The following ZNF385D variants were observed in gnomAD, a reference collection of about 807,000 sequenced individuals.
The protein encoded by ZNF385D is zinc finger protein 385D, also known as zinc finger protein 659.
Under a neutral mutation model 35.8 loss-of-function variants are expected in ZNF385D, and 15 were observed. That is an observed-to-expected ratio of 0.42 (90% confidence interval 0.28 to 0.64). The LOEUF (loss-of-function observed/expected upper bound fraction) is 0.64. Among genes scored for constraint, ZNF385D ranks in the 30% least tolerant of loss-of-function variants. The probability of loss-of-function intolerance (pLI) is 0.23; values close to 1 mark genes in which losing one functional copy is unlikely to be tolerated. For synonymous variants in ZNF385D, 212 were observed against 186.8 expected, an observed-to-expected ratio of 1.13 and a Z score of -1.10; for missense variants, 474 against 494.6, an observed-to-expected ratio of 0.96 and a Z score of 0.39.
chr3:22,279,169 T>G (rs1701588118), intron 2 of ZNF385D, among the ~76,000 whole-genome samples: 1 of 152,058 alleles, frequency 6.6e-6, no homozygotes, highest in Non-Finnish European at 1.5e-5. Context: ...ATGAATAAGT[T>G]ATTTAGTGGC....
intron 3 of ZNF385D, among the ~76,000 whole-genome samples, chr3:21,828,433 G>C (rs1202467205): frequency 6.6e-6 from 1 of 152,130 alleles, no homozygotes; most frequent in South Asian, 2.1e-4. Context: ...ATAAACAAAA[G>C]AAATGGGGGG....
At chr3:21,954,008 G>C (rs1702176881) in intron 3 of ZNF385D, among the ~76,000 whole-genome samples, 1 of 151,928 alleles carries the variant, frequency 6.6e-6, no homozygotes, top group African/African-American at 2.4e-5. Flanking sequence ...GAAAAACAAG[G>C]AAAAGATACT....
chr3:21,607,437 A>G (rs1183942027), intron 2 of ZNF385D, among the ~76,000 whole-genome samples: 2 of 152,202 alleles, frequency 1.3e-5, no homozygotes, highest in Admixed American at 6.5e-5. Context: ...AGACCATTCT[A>G]TATATAACAA....
At chr3:22,065,759 G>A (rs567926714) in intron 3 of ZNF385D, among the ~76,000 whole-genome samples, 3 of 152,078 alleles carry the variant, frequency 2.0e-5, no homozygotes, top group East Asian at 1.9e-4. Context: ...GCACATAAAT[G>A]TCTATCATGA....
At chr3:21,783,173 T>C (rs548682522) in intron 3 of ZNF385D, among the ~76,000 whole-genome samples, 30 of 152,160 alleles carry the variant, frequency 2.0e-4, no homozygotes, top group Non-Finnish European at 3.7e-4. Context: ...GTCTTGGAAT[T>C]TTCAGATTGT....
chr3:21,896,889 C>T (rs1467358665), intron 3 of ZNF385D, among the ~76,000 whole-genome samples: 1 of 150,994 alleles, frequency 6.6e-6, no homozygotes, highest in African/African-American at 2.4e-5. Context: ...GAATTCTGGC[C>T]AAGACACAGA....
chr3:22,074,001 C>G (rs570304957), intron 3 of ZNF385D, among the ~76,000 whole-genome samples: 4 of 152,006 alleles, frequency 2.6e-5, no homozygotes, highest in African/African-American at 9.6e-5. Context: ...AGTACATTGT[C>G]TTAATGTTCT....
At chr3:22,194,735 G>A (rs1002134918) in intron 2 of ZNF385D, among the ~76,000 whole-genome samples, 2 of 151,794 alleles carry the variant, frequency 1.3e-5, no homozygotes, top group Non-Finnish European at 2.9e-5. Flanking sequence ...CAAGAATGTA[G>A]GTAGAATAAA....
chr3:21,859,733 G>A (rs769471272), intron 3 of ZNF385D, among the ~76,000 whole-genome samples: 1 of 150,612 alleles, frequency 6.6e-6, no homozygotes, highest in Non-Finnish European at 1.5e-5. Flanking sequence ...TGAAAGATAA[G>A]AAAAATGTTT....
intron 2 of ZNF385D, among the ~76,000 whole-genome samples, chr3:22,322,610 C>T (rs1694493632): frequency 6.6e-6 from 1 of 152,120 alleles, no homozygotes; most frequent in Admixed American, 6.5e-5. Flanking sequence ...GGATCTTTTA[C>T]TTTATTATTT....
At chr3:21,650,673 G>A (rs192680521) in intron 2 of ZNF385D, among the ~76,000 whole-genome samples, 13 of 152,106 alleles carry the variant, frequency 8.5e-5, no homozygotes, top group Admixed American at 5.2e-4. Context: ...TAAGAGTAAC[G>A]TGAGCGCTCC....
At chr3:21,795,453 T>C (rs1186975894) in intron 3 of ZNF385D, among the ~76,000 whole-genome samples, 1 of 152,224 alleles carries the variant, frequency 6.6e-6, no homozygotes, top group East Asian at 1.9e-4. Flanking sequence ...ATGGTAGCCG[T>C]GTGCAAAAGA....
At chr3:21,764,445 G>C (rs867666296) in intron 3 of ZNF385D, among the ~76,000 whole-genome samples, 4 of 152,130 alleles carry the variant, frequency 2.6e-5, no homozygotes, top group African/African-American at 9.7e-5. Flanking sequence ...CGTATAACCA[G>C]GTGATTTTCA....
chr3:22,349,237 C>T (rs1252680859), intron 2 of ZNF385D, among the ~76,000 whole-genome samples: 1 of 152,112 alleles, frequency 6.6e-6, no homozygotes, highest in Non-Finnish European at 1.5e-5. Flanking sequence ...CAAGCAAATA[C>T]ATGTTTGGCT....
rs561416223 is a variant in ZNF385D at position 21,483,708 on chromosome 3, A to G, written c.439+27153T>C. Among the ~76,000 whole-genome samples, 251 of 152,234 alleles carry G rather than the reference A, an allele frequency of 1.6e-3. 1 individual carries two copies. Among genetic ancestry groups the G allele is most frequent in the Non-Finnish European group, 2.9e-3 (197 of 68,012 alleles). ...CTTTTTATGTGCTTTTCATTGTACC[A>G]TCTGTGCATTATTTGACAAAATGTC... On this transcript the variant is annotated intron_variant, in intron 4 of 7. Transcript: ENST00000281523.
chr3:21,717,659 T>TC (rs2068376856), intron 1 of ZNF385D, among the ~76,000 whole-genome samples: 1 of 152,144 alleles, frequency 6.6e-6, no homozygotes, highest in East Asian at 1.9e-4. Context: ...GGGGGCGGTT[T>TC]CCCCCATGCT....
chr3:21,878,533 A>T (rs1482441896), intron 3 of ZNF385D, among the ~76,000 whole-genome samples: 1 of 24,596 alleles, frequency 4.1e-5, no homozygotes, highest in East Asian at 6.8e-4. Context: ...ATCTGCATGA[A>T]GTCCTTATTT....
At chr3:22,027,486 T>C (rs1245237567) in intron 3 of ZNF385D, among the ~76,000 whole-genome samples, 3 of 152,200 alleles carry the variant, frequency 2.0e-5, no homozygotes, top group East Asian at 1.9e-4. Context: ...TGGAGGCCTC[T>C]AGGATTTTGG....
intron 3 of ZNF385D, among the ~76,000 whole-genome samples, chr3:22,037,121 T>C (rs1334785064): frequency 6.6e-6 from 1 of 152,138 alleles, no homozygotes; most frequent in Non-Finnish European, 1.5e-5. Context: ...TTGTTGGGTA[T>C]TTGGGTTGGT....
Sources: allele counts gnomAD v4.1 joint callset (sites outside exome capture counted in the v4.1 genomes callset), GRCh38; gene constraint gnomAD v4.1.1; transcripts MANE v1.5; gene names NCBI Gene and HGNC (gene_info 2026-07-23, HGNC 2026-07-21).